The following PTPRD variants were observed in gnomAD, a reference collection of about 807,000 sequenced individuals.
The protein encoded by PTPRD is receptor-type tyrosine-protein phosphatase delta.
In PTPRD, 34 loss-of-function variants were observed where a neutral mutation model predicts 214.5. The ratio of observed to expected loss-of-function variants is 0.16; its 90% CI spans 0.12 to 0.21. PTPRD has a LOEUF of 0.21. PTPRD is among the 10% of genes least tolerant of loss of function. The probability of loss-of-function intolerance (pLI) is 1.00; values close to 1 mark genes in which losing one functional copy is unlikely to be tolerated. For synonymous variants in PTPRD, 1,128 were observed against 845.7 expected, an observed-to-expected ratio of 1.33 and a Z score of -5.79; for missense variants, 2,545 against 2,398.7, an observed-to-expected ratio of 1.06 and a Z score of -1.27.
At chr9:10,482,186 AC>A (rs1385923712) in intron 2 of PTPRD, among the ~76,000 whole-genome samples, 1 of 152,010 alleles carries the variant, frequency 6.6e-6, no homozygotes, top group Non-Finnish European at 1.5e-5. Context: ...CCCGGCTAAC[AC>A]AGTGAAACCC....
At chr9:9,947,626 AATATATATTTTAT>A (rs1474634066) in intron 4 of PTPRD, among the ~76,000 whole-genome samples, 2 of 61,256 alleles carry the variant, frequency 3.3e-5, no homozygotes, top group Non-Finnish European at 5.8e-5. Context: ...ATATATTTTA[AATATATATTTTAT>A]ATATATATAT....
At chr9:10,092,735 G>A (rs565131046) in intron 3 of PTPRD, among the ~76,000 whole-genome samples, 3 of 151,490 alleles carry the variant, frequency 2.0e-5, no homozygotes, top group Non-Finnish European at 3.0e-5. Flanking sequence ...AAACAGCATA[G>A]TATTGGTACA....
intron 10 of PTPRD, among the ~76,000 whole-genome samples, chr9:9,120,876 C>G (rs1214927751): frequency 6.6e-6 from 1 of 152,170 alleles, no homozygotes; most frequent in Non-Finnish European, 1.5e-5. Context: ...GTTAGAAACT[C>G]TTCCTTGCTT....
intron 10 of PTPRD, among the ~76,000 whole-genome samples, chr9:9,047,821 G>C (rs1009852469): frequency 1.3e-5 from 2 of 152,092 alleles, no homozygotes; most frequent in Middle Eastern, 3.4e-3. Flanking sequence ...CATTGGTCTG[G>C]GCAAAAATTT....
chr9:9,251,398 T>C (rs1024838537), intron 9 of PTPRD, among the ~76,000 whole-genome samples: 1 of 152,148 alleles, frequency 6.6e-6, no homozygotes, highest in Admixed American at 6.6e-5. Flanking sequence ...TATTCATACA[T>C]ACTTGCTAGT....
At chr9:8,725,920 A>G (rs141539445) in intron 12 of PTPRD, among the ~76,000 whole-genome samples, 144 of 152,134 alleles carry the variant, frequency 9.5e-4, no homozygotes, top group African/African-American at 3.3e-3. Context: ...CTAGCTATGA[A>G]TTCTGAAGAT....
At chr9:9,987,287 T>C (rs922168874) in intron 4 of PTPRD, among the ~76,000 whole-genome samples, 4 of 152,202 alleles carry the variant, frequency 2.6e-5, no homozygotes, top group African/African-American at 9.6e-5. Flanking sequence ...AGATTAGAAT[T>C]TGTGATGCTG....
At chr9:9,765,884 G>A (rs1219561612) in intron 6 of PTPRD, among the ~76,000 whole-genome samples, 1 of 151,972 alleles carries the variant, frequency 6.6e-6, no homozygotes, top group African/African-American at 2.4e-5. Context: ...GGATGGTCTC[G>A]ATCTCCTGAC....
intron 3 of PTPRD, among the ~76,000 whole-genome samples, chr9:10,226,868 A>C (rs554463967): frequency 1.3e-5 from 2 of 152,074 alleles, no homozygotes; most frequent in African/African-American, 4.8e-5. Context: ...CACTCATTAA[A>C]TTAATGGAAA....
At chr9:9,246,109 G>T (rs2099972950) in intron 9 of PTPRD, among the ~76,000 whole-genome samples, 2 of 151,976 alleles carry the variant, frequency 1.3e-5, no homozygotes, top group African/African-American at 4.8e-5. Flanking sequence ...GTAGGAATGG[G>T]GGTGACTTTC....
chr9:8,371,776 C>G (rs1482379283), intron 39 of PTPRD, among the ~76,000 whole-genome samples: 1 of 152,036 alleles, frequency 6.6e-6, no homozygotes, highest in Non-Finnish European at 1.5e-5. Flanking sequence ...GATTATGCAT[C>G]AAGGTTGAAC....
At chr9:8,948,789 A>T (rs1312789499) in intron 11 of PTPRD, among the ~76,000 whole-genome samples, 4 of 150,902 alleles carry the variant, frequency 2.7e-5, no homozygotes, top group African/African-American at 9.8e-5. Flanking sequence ...CAAGAAACAC[A>T]AAAGGATGGA....
chr9:9,834,343 C>T (rs896987510), intron 5 of PTPRD, among the ~76,000 whole-genome samples: 21 of 151,796 alleles, frequency 1.4e-4, no homozygotes, highest in Non-Finnish European at 2.4e-4. Context: ...GAAAAAAGCC[C>T]AGATCTACCA....
rs2132352302 is a variant in PTPRD, at chr9:8,340,383, G to A, written c.5213C>T (p.Thr1738Ile). 6.2e-7 allele frequency: 1 copy of A among 1,610,598 alleles called. No homozygotes were observed. Among genetic ancestry groups the A allele is most frequent in the Non-Finnish European group, 8.5e-7 (1 of 1,177,548 alleles). The change falls in exon 42 of 46, where the codon ACC becomes ATC. Residue 1738 changes from threonine to isoleucine, a missense_variant. Transcript: ENST00000381196. The part of the protein sequence containing the change: ...FWRMLWEHNS[T>I]IVVMLTKLRE... ...CAGCTTGGTGAGCATCACAACTATGGTGGAATTGTGTTCCCAGAGCATCCG... is the reference window on the plus strand; with the variant it reads ...CAGCTTGGTGAGCATCACAACTATGATGGAATTGTGTTCCCAGAGCATCCG...
At chr9:8,329,208 G>A (rs866518928) in intron 44 of PTPRD, among the ~76,000 whole-genome samples, 1 of 151,980 alleles carries the variant, frequency 6.6e-6, no homozygotes, top group Non-Finnish European at 1.5e-5. Context: ...CTTCAGATGG[G>A]GTCTCTGGGT....
In PTPRD at chr9:9,197,217, C is replaced by G. The variant is rs144333320; in HGVS notation, c.-202-13854G>C. 5.4e-3 allele frequency among the ~76,000 whole-genome samples: 819 copies of G among 152,200 alleles called. 6 individuals carry two copies. Among genetic ancestry groups the G allele is most frequent in the African/African-American group, 0.018 (749 of 41,518 alleles). On this transcript the variant is annotated intron_variant, in intron 9 of 45. Coordinates refer to ENST00000381196, the MANE Select transcript of PTPRD (RefSeq NM_002839.4). Reference sequence around the variant, plus strand: ...AAAGCCACACTTCCTTACACTTTCCCCCAAAGCACTTCACACAAGCCCAAA... The same window carrying G: ...AAAGCCACACTTCCTTACACTTTCCGCCAAAGCACTTCACACAAGCCCAAA...
intron 9 of PTPRD, among the ~76,000 whole-genome samples, chr9:9,388,280 G>T (rs1469244015): frequency 6.6e-6 from 1 of 152,086 alleles, no homozygotes; most frequent in Non-Finnish European, 1.5e-5. Context: ...CTTTGAAAAT[G>T]CAACATTTGG....
chr9:9,312,902 C>T (rs1231410278), intron 9 of PTPRD, among the ~76,000 whole-genome samples: 1 of 152,194 alleles, frequency 6.6e-6, no homozygotes. Flanking sequence ...GCAGGACATC[C>T]TCACAAGTTT....
At chr9:9,476,488 A>C (rs1366734585) in intron 8 of PTPRD, among the ~76,000 whole-genome samples, 1 of 152,190 alleles carries the variant, frequency 6.6e-6, no homozygotes, top group Non-Finnish European at 1.5e-5. Flanking sequence ...GGAAATACTT[A>C]AGTAGCTTTC....
Sources: gnomAD v4.1 joint callset for allele counts (sites outside exome capture counted in the v4.1 genomes callset) on GRCh38, gnomAD v4.1.1 for gene constraint, MANE v1.5 for transcripts, NCBI Gene and HGNC (gene_info 2026-07-23, HGNC 2026-07-21) for gene names.